Variants in SHPRH observed in about 807,000 individuals in gnomAD.
SHPRH encodes the protein SNF2 histone linker PHD RING helicase.
A neutral mutation model predicts 202.5 loss-of-function variants in SHPRH; 106 were observed. That is an observed-to-expected ratio of 0.52 (90% confidence interval 0.45 to 0.62). The LOEUF (loss-of-function observed/expected upper bound fraction) is 0.62. SHPRH is among the 20% of genes least tolerant of loss of function. SHPRH has a pLI of 0.00. For synonymous variants in SHPRH, 729 were observed against 686.0 expected, an observed-to-expected ratio of 1.06 and a Z score of -0.98; for missense variants, 1,710 against 2,020.0, an observed-to-expected ratio of 0.85 and a Z score of 2.94.
chr6:145,911,180 T>C (rs1783459770), intron 24 of SHPRH, among the ~76,000 whole-genome samples: 1 of 151,992 alleles, frequency 6.6e-6, no homozygotes, highest in African/African-American at 2.4e-5. Flanking sequence ...CAGACTGGAG[T>C]GCAAATGATG....
At chr6:145,949,419 AAAT>A (rs1787745968) in intron 4 of SHPRH, among the ~76,000 whole-genome samples, 1 of 152,118 alleles carries the variant, frequency 6.6e-6, no homozygotes, top group African/African-American at 2.4e-5. Flanking sequence ...AAAAAGAATG[AAAT>A]AATGTCTTTT....
Position 145,927,364 on chromosome 6 carries a change from G to A in SHPRH, c.3113-87C>T. 2.6e-6 allele frequency: 3 copies of A among 1,161,556 alleles called. No homozygotes were observed. The South Asian group carries it at 4.3e-5, about 17-fold the overall frequency. 72.0% of individuals were successfully genotyped at this position (1,161,556 alleles called of 1,614,324 possible). A position where few individuals can be genotyped will look rare whatever the true frequency, so the allele number is the denominator to read the frequency against. On this transcript the variant is annotated intron_variant, in intron 14 of 29. Coordinates refer to ENST00000275233, the MANE Select transcript of SHPRH (RefSeq NM_001042683.3). ...TAGTTGTCCATTATTTAAGAATACT[G>A]TAAAAATAAAATGTAATGATTATAA... is the stretch of plus-strand genomic sequence containing the variant.
rs1171201538 is a variant in SHPRH, at chr6:145,952,356, A to G, written c.756T>C (p.Ile252=). Residue 252 remains isoleucine, a synonymous_variant, in exon 3 of 30, where the codon ATT becomes ATC. Coordinates refer to ENST00000275233, the MANE Select transcript of SHPRH (RefSeq NM_001042683.3). ...KKVMEKLHNS[I]IPDVLEEDED... ...GTTTACTGTAAATATTACCTGGAATAATAGAATTGTGTAACTTTTCCATTA... is the reference window on the plus strand; with the variant it reads ...GTTTACTGTAAATATTACCTGGAATGATAGAATTGTGTAACTTTTCCATTA... The G allele has an allele frequency of 6.3e-7, 1 of 1,597,992 alleles. No individual in the cohort carries two copies. The highest frequency in any genetic ancestry group is 8.5e-7 in the Non-Finnish European group (1 of 1,173,098).
At chr6:145,876,289 A>C (rs1419998544) in intron 2 of SHPRH, among the ~76,000 whole-genome samples, 1 of 152,140 alleles carries the variant, frequency 6.6e-6, no homozygotes, top group Non-Finnish European at 1.5e-5. Context: ...CAGGAGGATC[A>C]TTTAAGCCCA....
chr6:145,927,127 G>A, intron 15 of SHPRH, 62 bp downstream of exon 15: 1 of 1,466,948 alleles, frequency 6.8e-7, no homozygotes, highest in Non-Finnish European at 9.4e-7. Context: ...TAAACATTCA[G>A]AAAAATTATT....
downstream of SHPRH, among the ~76,000 whole-genome samples, chr6:145,860,178 C>A (rs1344178715): frequency 1.3e-5 from 2 of 151,884 alleles, no homozygotes; most frequent in African/African-American, 4.8e-5. Flanking sequence ...AAAGTCCTAG[C>A]AAAAGCAATC....
Position 145,864,341 on chromosome 6 carries a change from T to TA in SHPRH, c.371dup (p.Leu124PhefsTer28), listed in dbSNP as rs149883750. ...AACATCTCTAAATTGAAAAAGATGATAAAAAACAAATCAAAAAATTTTTAA... is the reference window on the plus strand; with the variant it reads ...AACATCTCTAAATTGAAAAAGATGATAAAAAAACAAATCAAAAAATTTTTAA... On this transcript the variant is annotated frameshift_variant, in exon 3 of 3. Coordinates refer to the SHPRH transcript ENST00000417762. LOFTEE classifies it high-confidence loss of function. The TA allele has an allele frequency of 4.8e-3, 1,971 of 411,984 alleles. 42 individuals are homozygous for TA. In the East Asian group the frequency reaches 0.068, roughly 14 times the overall value. The allele number at this position is 411,984 out of a possible 1,614,324, so 25.5% of individuals were successfully genotyped here.
At chr6:145,945,681 T>C (rs767839064) in intron 7 of SHPRH, 44 bp from the exon 8 acceptor site, 16 of 1,526,938 alleles carry the variant, frequency 1.0e-5, no homozygotes, top group South Asian at 5.2e-5. Context: ...ATAATTAAAA[T>C]GAAAAGAAAG....
At chr6:145,920,896 T>C (rs1037027155) in intron 21 of SHPRH, among the ~76,000 whole-genome samples, 1 of 152,078 alleles carries the variant, frequency 6.6e-6, no homozygotes, top group Non-Finnish European at 1.5e-5. Flanking sequence ...AATAATAGAA[T>C]GAACACACTT....
intron 1 of SHPRH, among the ~76,000 whole-genome samples, chr6:145,960,538 T>C (rs1186568109): frequency 6.6e-6 from 1 of 152,206 alleles, no homozygotes. Context: ...GAGTCTCACA[T>C]TAGCAAAGCG....
intron 2 of SHPRH, 94 bp downstream of exon 2, chr6:145,954,596 T>C: frequency 7.6e-7 from 1 of 1,316,972 alleles, no homozygotes; most frequent in Non-Finnish European, 1.0e-6. Context: ...GAAAGGCTTA[T>C]TGCTGGCTTT....
At chr6:145,963,485 T>C (rs4896852) in intron 1 of SHPRH, among the ~76,000 whole-genome samples, 97,606 of 152,084 alleles carry the variant, frequency 0.64, 31,969 homozygotes, top group African/African-American at 0.76. Context: ...ATACAGTGAC[T>C]ATTAATCATC....
intron 25 of SHPRH, 25 bp from the exon 26 acceptor site, chr6:145,895,002 C>T (rs201278933): frequency 6.9e-6 from 11 of 1,595,052 alleles, no homozygotes; most frequent in Non-Finnish European, 9.4e-6. Flanking sequence ...ACAAAATACA[C>T]ATTACTACTA....
intron 2 of SHPRH, chr6:145,864,607 T>A (rs1416996442): frequency 1.4e-4 from 23 of 163,224 alleles, no homozygotes; most frequent in East Asian, 3.8e-4. Context: ...GAAAGAAATT[T>A]TTTTTTTTTT....
intron 2 of SHPRH, among the ~76,000 whole-genome samples, chr6:145,878,474 A>G (rs746237377): frequency 4.6e-5 from 7 of 152,052 alleles, no homozygotes; most frequent in African/African-American, 1.4e-4. Flanking sequence ...CCAAACCTTC[A>G]TATTTCGGTT....
At position 145,940,776 on chromosome 6, in the gene SHPRH, C is replaced by G. The variant is rs1786685539; in HGVS notation, c.2516G>C (p.Ser839Thr). 1.2e-6 allele frequency: 2 copies of G among 1,613,664 alleles called. No homozygotes were observed. Among genetic ancestry groups the G allele is most frequent in the African/African-American group, 2.7e-5 (2 of 74,878 alleles). The stretch of plus-strand genomic sequence containing the variant: ...ACTGATACACCATCGATTAATCCCA[C>G]TCAAACGCTGGGCCATTTCTGCAGC... ...VKAAEMAQRLSGINRWCISGT... is the reference protein window; with the variant it reads ...VKAAEMAQRLTGINRWCISGT... The change falls in exon 11 of 30, where the codon AGT becomes ACT. Residue 839 changes from serine to threonine, a missense_variant. Physicochemically the swap from Ser to Thr is moderately conservative, Grantham distance 58. Around this residue, in one of 8 missense-constraint regions of SHPRH, gnomAD observed 277 missense variants for 363.0 expected, o/e 0.76. Transcript: ENST00000275233.
chr6:145,864,453 A>G (rs768245681), exon 3 of SHPRH: 9 of 337,368 alleles, frequency 2.7e-5, no homozygotes, highest in South Asian at 2.2e-4. Flanking sequence ...GAATGGGGTG[A>G]TGTCATGAAA....
intron 10 of SHPRH, 118 bp from the exon 11 acceptor site, chr6:145,940,919 C>T: frequency 3.3e-6 from 3 of 900,724 alleles, no homozygotes; most frequent in East Asian, 2.6e-5. Context: ...GTGAGATGTA[C>T]CTACTTTTAT....
intron 9 of SHPRH, among the ~76,000 whole-genome samples, chr6:145,942,861 T>C (rs140686112): frequency 6.7e-4 from 102 of 152,304 alleles, no homozygotes; most frequent in African/African-American, 2.3e-3. Flanking sequence ...TAAATGCTTA[T>C]ACCAAGAATT....
Sources: gnomAD v4.1 joint callset for allele counts (sites outside exome capture counted in the v4.1 genomes callset) on GRCh38, gnomAD v4.1.1 for gene constraint, gnomAD v4.1.1 regional missense constraint, MANE v1.5 for transcripts, NCBI Gene and HGNC (gene_info 2026-07-23, HGNC 2026-07-21) for gene names.